POLA2: variants seen among roughly 807,000 people sequenced by gnomAD.
POLA2 encodes the protein DNA polymerase alpha 2, accessory subunit, also known as DNA polymerase alpha subunit B.
In POLA2, 47 loss-of-function variants were observed where a neutral mutation model predicts 82.8. The ratio of observed to expected loss-of-function variants is 0.57; its 90% CI spans 0.45 to 0.72. The LOEUF is 0.72. POLA2 is among the 30% of genes least tolerant of loss of function. The pLI is 0.00. For missense variants in POLA2, 634 were observed against 728.1 expected, an observed-to-expected ratio of 0.87 and a Z score of 1.49; for synonymous variants, 287 against 286.8, an observed-to-expected ratio of 1.00 and a Z score of -0.01.
At chr11:65,295,461 A>G (rs1949799859) in intron 15 of POLA2, 79 bp from the exon 16 acceptor site, 1 of 1,252,908 alleles carries the variant, frequency 8.0e-7, no homozygotes, top group Non-Finnish European at 1.2e-6. Context: ...TCTCTGGTTT[A>G]TTAAATTCTC....
chr11:65,296,295 C>A, intron 17 of POLA2: 1 of 291,216 alleles, frequency 3.4e-6, no homozygotes, highest in East Asian at 7.4e-5. Flanking sequence ...GGGAAGATTT[C>A]ATATGTACAC....
chr11:65,273,845 G>GA (rs202103555), intron 4 of POLA2, among the ~76,000 whole-genome samples: 25 of 146,098 alleles, frequency 1.7e-4, no homozygotes, highest in African/African-American at 3.8e-4. Context: ...TCCCTAGGGG[G>GA]AAAAAAAAAA....
At chr11:65,287,185 T>C (rs946081114) in intron 10 of POLA2, among the ~76,000 whole-genome samples, 3 of 152,136 alleles carry the variant, frequency 2.0e-5, no homozygotes, top group South Asian at 2.1e-4. Context: ...AAGCAGCTGC[T>C]GTTAGGAAAA....
intron 2 of POLA2, 102 bp downstream of exon 2, chr11:65,266,808 G>T: frequency 4.0e-6 from 5 of 1,253,106 alleles, no homozygotes; most frequent in Non-Finnish European, 5.7e-6. Context: ...TTCGAGTCAG[G>T]CCTGGATTCC....
downstream of POLA2, chr11:65,298,747 C>T (rs1238269423): frequency 3.3e-5 from 5 of 152,258 alleles, no homozygotes; most frequent in Non-Finnish European, 5.9e-5. Flanking sequence ...GAATTAGAAA[C>T]TCATCCCTGC....
At chr11:65,294,038 C>T in intron 13 of POLA2, 115 bp from the exon 14 acceptor site, 1 of 833,444 alleles carries the variant, frequency 1.2e-6, no homozygotes, top group Admixed American at 1.7e-5. Flanking sequence ...TTCTGAGCTG[C>T]CTCCCTCGGG....
In POLA2 at chr11:65,274,461, A is replaced by G. The variant is rs186188362; in HGVS notation, c.355-1431A>G. Among the ~76,000 whole-genome samples, 160 of 151,858 alleles carry G rather than the reference A, an allele frequency of 1.1e-3. 1 individual carries two copies. In the East Asian group the frequency reaches 0.019, roughly 18 times the overall value. On this transcript the variant is annotated intron_variant, in intron 4 of 17. Coordinates refer to ENST00000265465, the MANE Select transcript of POLA2 (RefSeq NM_002689.4). ...TTGGGAGGCCGAGGCAGGTGGATCA[A>G]TTGAGGTCAGGAGTTTGAGACCAGC...
At position 65,267,496 on chromosome 11, in the gene POLA2, C is replaced by T. The variant is rs753310252; in HGVS notation, c.224C>T (p.Ser75Leu). ...FEHEFLSKRL[S>L]KARHSTCKDS... The stretch of plus-strand genomic sequence containing the variant: ...TTTCAGTTTCTGAGCAAAAGATTAT[C>T]GAAAGCCAGGCATAGTACCTGCAAG... The change falls in exon 3 of 18, where the codon TCG becomes TTG. Residue 75 changes from serine (S) to leucine (L), a missense_variant. Transcript: ENST00000265465. The T allele has an allele frequency of 1.9e-5, 30 of 1,609,966 alleles. No homozygotes were observed. The highest frequency in any genetic ancestry group is 1.6e-4 in the Middle Eastern group (1 of 6,074).
At chr11:65,298,973 G>A (rs551547300), downstream of POLA2, among the ~76,000 whole-genome samples, 2 of 152,324 alleles carry the variant, frequency 1.3e-5, no homozygotes, top group South Asian at 2.1e-4. Flanking sequence ...AAGAGAAAGC[G>A]GGATGCTAAC....
intron 8 of POLA2, 72 bp downstream of exon 8, chr11:65,281,219 G>A (rs774509914): frequency 1.3e-4 from 187 of 1,460,000 alleles, no homozygotes; most frequent in Non-Finnish European, 1.7e-4. Context: ...TGTGCCATGC[G>A]CAGCTGCTCC....
intron 4 of POLA2, among the ~76,000 whole-genome samples, chr11:65,270,550 A>G (rs542680957): frequency 1.8e-3 from 267 of 152,318 alleles, no homozygotes; most frequent in Non-Finnish European, 2.3e-3. Flanking sequence ...TTCTGAGTCC[A>G]TATCCCAGTG....
downstream of POLA2, among the ~76,000 whole-genome samples, chr11:65,299,569 C>G (rs1467484902): frequency 6.6e-6 from 1 of 152,264 alleles, no homozygotes; most frequent in Non-Finnish European, 1.5e-5. Flanking sequence ...CTCCATCCAG[C>G]TCTGCCTTCT....
At chr11:65,271,596 A>G (rs563511040) in intron 4 of POLA2, among the ~76,000 whole-genome samples, 1 of 152,156 alleles carries the variant, frequency 6.6e-6, no homozygotes, top group Admixed American at 6.6e-5. Flanking sequence ...GCAGTGGCTC[A>G]CACCTGTAAT....
downstream of POLA2, among the ~76,000 whole-genome samples, chr11:65,305,910 G>A (rs1016972932): frequency 9.2e-5 from 14 of 152,126 alleles, no homozygotes; most frequent in African/African-American, 1.4e-4. Context: ...CTGGAATACC[G>A]TGCAGCTGTG....
chr11:65,276,659 T>C (rs1479432984), intron 5 of POLA2, among the ~76,000 whole-genome samples: 1 of 152,118 alleles, frequency 6.6e-6, no homozygotes, highest in African/African-American at 2.4e-5. Flanking sequence ...TTTTTAGGAG[T>C]TTCCACATCA....
chr11:65,295,698 A>C (rs1318607197), intron 16 of POLA2, 99 bp downstream of exon 16: 1 of 1,331,632 alleles, frequency 7.5e-7, no homozygotes, highest in African/African-American at 1.4e-5. Context: ...GGCTACCAGC[A>C]GGGAACTTTA....
Position 65,294,247 on chromosome 11 carries a change from C to G in POLA2, c.1339C>G (p.Arg447Gly). ...GCCTTTCAGCTACTCCGATCTGTCT[C>G]GAGAGGACAAAAAGGTAGCAGCACC... is the stretch of plus-strand genomic sequence containing the variant. ...QPPFSYSDLS[R>G]EDKKQVQFVS... Residue 447 changes from arginine to glycine, a missense_variant, in exon 14 of 18, where the codon CGA becomes GGA. Coordinates refer to ENST00000265465, the MANE Select transcript of POLA2 (RefSeq NM_002689.4). 1 of 1,613,716 alleles carries G rather than the reference C, an allele frequency of 6.2e-7. No homozygotes were observed. Among genetic ancestry groups the G allele is most frequent in the Admixed American group, 1.7e-5 (1 of 60,022 alleles).
exon 9 of POLA2, chr11:65,305,527 A>G (rs1020778835): frequency 1.0e-5 from 4 of 400,186 alleles, no homozygotes; most frequent in African/African-American, 4.2e-5. Context: ...GACCACTGCA[A>G]GCTGGGCACG....
chr11:65,262,514 A>T, intron 1 of POLA2, 143 bp downstream of exon 1: 1 of 666,894 alleles, frequency 1.5e-6, no homozygotes, highest in East Asian at 2.9e-5. Context: ...TGAAGAATCA[A>T]ACTTGAGTTT....
Sources: gnomAD v4.1 joint callset for allele counts (sites outside exome capture counted in the v4.1 genomes callset) on GRCh38, gnomAD v4.1.1 for gene constraint, MANE v1.5 for transcripts, NCBI Gene and HGNC (gene_info 2026-07-23, HGNC 2026-07-21) for gene names.